Variants in DOCK2 observed in about 807,000 individuals in gnomAD.
DOCK2 encodes dedicator of cytokinesis 2.
A neutral mutation model predicts 248.9 loss-of-function variants in DOCK2; 87 were observed. The observed-to-expected ratio is 0.35, with a 90% CI of 0.29 to 0.42. The LOEUF is 0.42. Among genes scored for constraint, DOCK2 ranks in the 10% least tolerant of loss-of-function variants. The pLI is 1.00. For synonymous variants in DOCK2, 805 were observed against 821.6 expected (o/e 0.98, Z 0.35); for missense variants, 1,747 against 2,300.2 (o/e 0.76, Z 4.92).
At chr5:170,002,717 T>C (rs1389060933) in intron 30 of DOCK2, among the ~76,000 whole-genome samples, 2 of 152,230 alleles carry the variant, frequency 1.3e-5, no homozygotes, top group South Asian at 2.1e-4. Context: ...CTGTGCAATA[T>C]GGTAGTCAGA....
chr5:170,001,436 T>A (rs1754829142), intron 30 of DOCK2, among the ~76,000 whole-genome samples: 2 of 152,058 alleles, frequency 1.3e-5, no homozygotes, highest in African/African-American at 2.4e-5. Flanking sequence ...GAAGAGCGAT[T>A]TCAGCAGAAG....
chr5:169,985,183 G>A (rs1382162055), intron 28 of DOCK2, among the ~76,000 whole-genome samples: 2 of 152,164 alleles, frequency 1.3e-5, no homozygotes, highest in East Asian at 1.9e-4. Flanking sequence ...GATTGCAGGT[G>A]GGAGCCACCG....
At chr5:169,981,400 GT>G (rs375126475) in intron 27 of DOCK2, among the ~76,000 whole-genome samples, 11 of 152,190 alleles carry the variant, frequency 7.2e-5, no homozygotes, top group African/African-American at 2.6e-4. Context: ...CAAATTGAAG[GT>G]TTGTGGCAAC....
At position 169,983,051 on chromosome 5, in the gene DOCK2, G is replaced by A. The variant is rs778304933; in HGVS notation, c.2800-17G>A. 74 of 1,613,412 alleles carry A rather than the reference G, an allele frequency of 4.6e-5. No individual in the cohort carries two copies. The highest frequency in any genetic ancestry group is 6.2e-5 in the Non-Finnish European group (73 of 1,179,560). On this transcript the variant is annotated splice_polypyrimidine_tract_variant and intron_variant, in intron 27 of 51. Coordinates refer to ENST00000520908, the MANE Select transcript of DOCK2 (RefSeq NM_004946.3). ...CCTCTCTCAACTATTTATAGTATTT[G>A]TCTTCATTTCTTGCAGAGTCACTTT...
intron 36 of DOCK2, among the ~76,000 whole-genome samples, chr5:170,037,416 A>G (rs1756357361): frequency 6.6e-6 from 1 of 151,868 alleles, no homozygotes; most frequent in Admixed American, 6.6e-5. Context: ...TATATAGCCA[A>G]TCCTATATTG....
intron 27 of DOCK2, among the ~76,000 whole-genome samples, chr5:169,896,506 A>G (rs261066): frequency 6.6e-6 from 1 of 152,076 alleles, no homozygotes; most frequent in Non-Finnish European, 1.5e-5. Flanking sequence ...ACTTAAGAAG[A>G]TGTAGCTAAT....
intron 1 of DOCK2, among the ~76,000 whole-genome samples, chr5:169,645,934 A>G (rs1266462897): frequency 2.0e-5 from 3 of 151,944 alleles, no homozygotes; most frequent in Admixed American, 6.6e-5. Context: ...TATTTTTAGT[A>G]GAGACGGGGT....
intron 9 of DOCK2, chr5:169,695,492 A>G (rs17071606): frequency 0.012 from 2,661 of 224,610 alleles, 76 homozygotes; most frequent in African/African-American, 0.058. Context: ...ACCTCGGCAT[A>G]TGGGGAATCC....
At chr5:169,895,350 C>T (rs980957026) in intron 27 of DOCK2, among the ~76,000 whole-genome samples, 1 of 152,112 alleles carries the variant, frequency 6.6e-6, no homozygotes, top group African/African-American at 2.4e-5. Context: ...GAGAGAACCA[C>T]CCAGCCTCAA....
intron 27 of DOCK2, among the ~76,000 whole-genome samples, chr5:169,900,538 C>T (rs1773864364): frequency 1.3e-5 from 2 of 152,162 alleles, no homozygotes; most frequent in South Asian, 4.2e-4. Flanking sequence ...CATCTTAAAG[C>T]TTAGGCAAGC....
chr5:169,849,444 G>T (rs1057478053), intron 27 of DOCK2, among the ~76,000 whole-genome samples: 2 of 152,164 alleles, frequency 1.3e-5, no homozygotes, highest in African/African-American at 4.8e-5. Flanking sequence ...TAGTCTTTAG[G>T]AATCAAACAT....
intron 30 of DOCK2, among the ~76,000 whole-genome samples, chr5:170,002,451 A>G (rs909888972): frequency 3.3e-5 from 5 of 152,250 alleles, no homozygotes; most frequent in African/African-American, 7.2e-5. Flanking sequence ...ACATTTGTTT[A>G]TGCATAAAAA....
chr5:169,815,664 T>A (rs1332300627), intron 26 of DOCK2, among the ~76,000 whole-genome samples: 1 of 152,234 alleles, frequency 6.6e-6, no homozygotes, highest in Non-Finnish European at 1.5e-5. Context: ...ACAAAAAAAT[T>A]GCATTAAGTG....
At chr5:169,642,215 A>G (rs1026504014) in intron 1 of DOCK2, among the ~76,000 whole-genome samples, 3 of 152,208 alleles carry the variant, frequency 2.0e-5, no homozygotes, top group African/African-American at 4.8e-5. Flanking sequence ...TAACTTGTCC[A>G]TTTGTTCACT....
At chr5:169,686,022 T>A (rs960059854) in intron 8 of DOCK2, among the ~76,000 whole-genome samples, 18 of 152,218 alleles carry the variant, frequency 1.2e-4, no homozygotes, top group African/African-American at 4.3e-4. Context: ...CCAAAGTCCC[T>A]AACCTCAAAG....
chr5:169,901,722 T>A (rs553141056), intron 27 of DOCK2, among the ~76,000 whole-genome samples: 9 of 152,160 alleles, frequency 5.9e-5, no homozygotes, highest in Non-Finnish European at 8.8e-5. Context: ...TTGATTTGAG[T>A]GGATTTGACT....
intron 2 of DOCK2, among the ~76,000 whole-genome samples, chr5:169,666,852 T>A (rs1758762771): frequency 6.6e-6 from 1 of 152,214 alleles, no homozygotes; most frequent in Non-Finnish European, 1.5e-5. Context: ...TCCCTGGGGA[T>A]TTATCCCTGG....
intron 27 of DOCK2, among the ~76,000 whole-genome samples, chr5:169,858,096 T>C (rs1435855602): frequency 6.6e-6 from 1 of 152,210 alleles, no homozygotes; most frequent in Non-Finnish European, 1.5e-5. Flanking sequence ...CCAGTGAATC[T>C]AATGTACTCA....
At chr5:170,012,934 C>T (rs568088790) in intron 32 of DOCK2, among the ~76,000 whole-genome samples, 5 of 151,982 alleles carry the variant, frequency 3.3e-5, no homozygotes, top group Non-Finnish European at 5.9e-5. Flanking sequence ...GGCAATTTGT[C>T]CATTACTGTT....
Sources: gnomAD v4.1 joint callset for allele counts (sites outside exome capture counted in the v4.1 genomes callset) on GRCh38, gnomAD v4.1.1 for gene constraint, MANE v1.5 for transcripts, NCBI Gene and HGNC (gene_info 2026-07-23, HGNC 2026-07-21) for gene names.